CABIN1: variants seen among roughly 807,000 people sequenced by gnomAD.
CABIN1 encodes calcineurin binding protein 1.
In CABIN1, 133 loss-of-function variants were observed where a neutral mutation model predicts 227.7. The ratio of observed to expected loss-of-function variants is 0.58; its 90% CI spans 0.51 to 0.67. CABIN1 has a LOEUF of 0.67. CABIN1 is among the 30% of genes least tolerant of loss of function. CABIN1 has a pLI of 0.00. For missense variants in CABIN1, 2,408 were observed against 2,852.5 expected (o/e 0.84, Z 3.55); for synonymous variants, 1,086 against 1,155.1 (o/e 0.94, Z 1.21).
intron 34 of CABIN1, among the ~76,000 whole-genome samples, chr22:24,172,470 C>A (rs1370282811): frequency 6.6e-6 from 1 of 152,184 alleles, no homozygotes; most frequent in African/African-American, 2.4e-5. Context: ...GTACCAGGCC[C>A]TACTGGGTGT....
Position 24,098,046 on chromosome 22 carries a change from A to G in CABIN1, c.3971A>G (p.His1324Arg), listed in dbSNP as rs781089360. Residue 1324 changes from histidine to arginine, a missense_variant, in exon 26 of 37, where the codon CAC becomes CGC. Physicochemically the swap from His to Arg is conservative, Grantham distance 29 (BLOSUM62 0). This residue lies in a region of CABIN1 where 649 missense variants were observed against 910.3 expected (regional missense o/e 0.71). Transcript: ENST00000263119. ...GCCTGCCTGGTGGACGAGGACTCCC[A>G]CTCTTCAGCTGGGACACTGCCGGGC... ...EKACLVDEDS[H>R]SSAGTLPGPG... 6.2e-6 allele frequency: 10 copies of G among 1,613,468 alleles called. No individual in the cohort carries two copies. In the South Asian group the frequency reaches 1.1e-4, roughly 18 times the overall value.
intron 15 of CABIN1, 102 bp from the exon 16 acceptor site, chr22:24,066,885 T>C (rs2146601902): frequency 8.9e-7 from 1 of 1,123,872 alleles, no homozygotes; most frequent in East Asian, 2.4e-5. Flanking sequence ...GTCTAATTTT[T>C]ATTCTCCTCA....
At chr22:24,156,086 TGGCGGGGGCGGGGGCCGGGACTGG>T in intron 29 of CABIN1, 1 of 415,916 alleles carries the variant, frequency 2.4e-6, no homozygotes, top group Non-Finnish European at 4.3e-6. Flanking sequence ...GGTAGGAACT[TGGCGGGGGCGGGGGCCGGGACTGG>T]GGCCGGGACT....
chr22:24,099,363 C>A (rs2042078361), intron 26 of CABIN1, among the ~76,000 whole-genome samples: 1 of 152,198 alleles, frequency 6.6e-6, no homozygotes, highest in Non-Finnish European at 1.5e-5. Context: ...CTGCAGTGTC[C>A]CCTCCTGGGT....
At chr22:24,137,225 C>T (rs1022382033) in intron 29 of CABIN1, among the ~76,000 whole-genome samples, 2 of 152,242 alleles carry the variant, frequency 1.3e-5, no homozygotes, top group African/African-American at 4.8e-5. Flanking sequence ...GAGCCAACCT[C>T]CATGTCTTCC....
intron 4 of CABIN1, among the ~76,000 whole-genome samples, chr22:24,039,577 G>T (rs1483668146): frequency 1.3e-5 from 2 of 152,210 alleles, no homozygotes; most frequent in East Asian, 3.8e-4. Context: ...TTATGGACCA[G>T]TTGGTGGGCA....
At chr22:24,044,074 C>A (rs1322920561) in intron 6 of CABIN1, among the ~76,000 whole-genome samples, 1 of 152,150 alleles carries the variant, frequency 6.6e-6, no homozygotes, top group Non-Finnish European at 1.5e-5. Flanking sequence ...CAACATCACC[C>A]TCATGGTACG....
intron 25 of CABIN1, among the ~76,000 whole-genome samples, 186 bp from the exon 26 acceptor site, chr22:24,097,828 G>T (rs998483860): frequency 1.3e-5 from 2 of 152,224 alleles, no homozygotes; most frequent in African/African-American, 4.8e-5. Flanking sequence ...CCAGTTAGGA[G>T]CCAGAGCCTG....
chr22:24,082,483 C>T (rs1011725894), intron 19 of CABIN1, among the ~76,000 whole-genome samples: 3 of 152,106 alleles, frequency 2.0e-5, no homozygotes, highest in Non-Finnish European at 4.4e-5. Flanking sequence ...TTGGTGTTTG[C>T]TATTTTTATA....
At chr22:24,151,243 T>A (rs1200656368) in intron 29 of CABIN1, among the ~76,000 whole-genome samples, 1 of 152,054 alleles carries the variant, frequency 6.6e-6, no homozygotes, top group African/African-American at 2.4e-5. Flanking sequence ...CTGACAAAGA[T>A]CCTGTGCAGG....
At chr22:24,031,522 G>A (rs1338861202) in intron 1 of CABIN1, among the ~76,000 whole-genome samples, 1 of 152,182 alleles carries the variant, frequency 6.6e-6, no homozygotes, top group Non-Finnish European at 1.5e-5. Context: ...CCCAGGTCTA[G>A]GTAGGACAGC....
chr22:24,157,183 G>T (rs1290576314), intron 29 of CABIN1, among the ~76,000 whole-genome samples: 2 of 152,154 alleles, frequency 1.3e-5, no homozygotes, highest in Non-Finnish European at 2.9e-5. Flanking sequence ...GGAACTTCCT[G>T]TCCCTAGGGG....
intron 24 of CABIN1, 21 bp downstream of exon 24, chr22:24,091,864 G>T: frequency 1.2e-6 from 2 of 1,610,820 alleles, no homozygotes; most frequent in Non-Finnish European, 1.7e-6. Context: ...GCTGGCCCAG[G>T]GCGGGGAAGC....
chr22:24,056,387 G>A, intron 10 of CABIN1, 27 bp downstream of exon 10: 3 of 1,611,774 alleles, frequency 1.9e-6, no homozygotes, highest in Non-Finnish European at 2.5e-6. Flanking sequence ...CTGATTGTCA[G>A]AAACAAACCC....
chr22:24,174,647 G>A (rs542101981), intron 34 of CABIN1, among the ~76,000 whole-genome samples: 9 of 152,116 alleles, frequency 5.9e-5, no homozygotes, highest in Admixed American at 1.3e-4. Flanking sequence ...GGTCTCCCAC[G>A]TGGTTGCAGT....
At chr22:24,168,381 G>T in intron 32 of CABIN1, 66 bp from the exon 33 acceptor site, 2 of 1,487,332 alleles carry the variant, frequency 1.3e-6, no homozygotes, top group South Asian at 1.2e-5. Flanking sequence ...TACATACACA[G>T]ACAGGGCTGG....
In CABIN1 at chr22:24,171,971, C is replaced by T; in HGVS notation, c.6016C>T (p.Pro2006Ser). Residue 2006 changes from proline (P) to serine (S), a missense_variant, in exon 34 of 37, where the codon CCC (proline) becomes TCC (serine). Physicochemically the swap from Pro to Ser is moderately conservative, Grantham distance 74. Around this residue, in one of 3 missense-constraint regions of CABIN1, gnomAD observed 714 missense variants for 773.8 expected, o/e 0.92. Transcript: ENST00000263119. ...PPRPHRPEAT[P>S]SMASLGPEGE... ...CCGGCCACACAGGCCTGAAGCTACC[C>T]CCAGCATGGCCTCTCTGGGCCCAGG... is the stretch of plus-strand genomic sequence containing the variant. The T allele has an allele frequency of 6.2e-7, 1 of 1,612,682 alleles. No individual in the cohort carries two copies. Among genetic ancestry groups the T allele is most frequent in the Admixed American group, 1.7e-5 (1 of 60,020 alleles).
chr22:24,142,814 A>G (rs971854647), intron 29 of CABIN1, among the ~76,000 whole-genome samples: 1 of 152,092 alleles, frequency 6.6e-6, no homozygotes, highest in Non-Finnish European at 1.5e-5. Flanking sequence ...GTTCCTGCCT[A>G]CCTTCTCTCA....
At chr22:24,048,222 A>G (rs1029708373) in intron 6 of CABIN1, among the ~76,000 whole-genome samples, 14 of 152,178 alleles carry the variant, frequency 9.2e-5, no homozygotes, top group South Asian at 2.1e-4. Flanking sequence ...ACAAAATTCA[A>G]TAAGTTTTAT....
Sources: allele counts gnomAD v4.1 joint callset (sites outside exome capture counted in the v4.1 genomes callset), GRCh38; gene constraint gnomAD v4.1.1; regional missense constraint gnomAD v4.1.1; transcripts MANE v1.5; gene names NCBI Gene and HGNC (gene_info 2026-07-23, HGNC 2026-07-21).